ANKS6: variants seen among roughly 807,000 people sequenced by gnomAD.
The protein encoded by ANKS6 is ankyrin repeat and sterile alpha motif domain containing 6.
In ANKS6, 47 loss-of-function variants were observed where a neutral mutation model predicts 77.9. The observed-to-expected ratio is 0.60, with a 90% CI of 0.48 to 0.77. The LOEUF (loss-of-function observed/expected upper bound fraction) is 0.77, where lower values mean the gene tolerates loss of function less well. ANKS6 is among the 30% of genes least tolerant of loss of function. The pLI is 0.00. For synonymous variants in ANKS6, 488 were observed against 501.7 expected (o/e 0.97, Z 0.37); for missense variants, 1,150 against 1,159.1 (o/e 0.99, Z 0.11).
intron 14 of ANKS6, among the ~76,000 whole-genome samples, chr9:98,741,871 T>G (rs1482826859): frequency 6.6e-6 from 1 of 152,252 alleles, no homozygotes; most frequent in Non-Finnish European, 1.5e-5. Context: ...TTAAAAAATT[T>G]TAGGCCAAAA....
intron 14 of ANKS6, among the ~76,000 whole-genome samples, chr9:98,739,390 G>A (rs1308568960): frequency 6.6e-6 from 1 of 152,136 alleles, no homozygotes; most frequent in African/African-American, 2.4e-5. Flanking sequence ...AGGATCGCTT[G>A]AGCCCAGGAG....
rs544815927 is a variant in ANKS6, at chr9:98,736,543, G to A, written c.2592C>T (p.Ala864=). The A allele has an allele frequency of 6.2e-7, 1 of 1,612,786 alleles. No homozygotes were observed. The change falls in exon 15 of 15, where the codon GCC becomes GCT. Residue 864 remains alanine, a synonymous_variant. Transcript: ENST00000353234. ...SFESSASNTR[A]PGNSPCA ...ATCACGCACAGGGGCTGTTGCCAGGGGCCCTGGTGTTGCTGGCACTGCTCT... is the reference window on the plus strand; with the variant it reads ...ATCACGCACAGGGGCTGTTGCCAGGAGCCCTGGTGTTGCTGGCACTGCTCT...
intron 14 of ANKS6, among the ~76,000 whole-genome samples, chr9:98,741,716 T>C (rs1197398622): frequency 6.6e-6 from 1 of 152,208 alleles, no homozygotes; most frequent in Non-Finnish European, 1.5e-5. Flanking sequence ...CGAGCACACA[T>C]TACAATTCCA....
chr9:98,760,116 GA>G (rs1188629510), intron 11 of ANKS6, among the ~76,000 whole-genome samples: 2 of 151,648 alleles, frequency 1.3e-5, no homozygotes, highest in African/African-American at 4.8e-5. Context: ...ATGTGTCAAT[GA>G]AAAAAAATAA....
intron 8 of ANKS6, 89 bp from the exon 9 acceptor site, chr9:98,774,169 G>T: frequency 2.5e-6 from 3 of 1,205,638 alleles, no homozygotes; most frequent in Non-Finnish European, 3.2e-6. Context: ...GCTTCTTGGG[G>T]CATGGCACCA....
chr9:98,791,426 G>T lies in ANKS6; in HGVS notation c.360-820C>A, dbSNP rs567493966. On this transcript the variant is annotated intron_variant, in intron 1 of 14. Transcript: ENST00000353234. This position sits in a 1 kb window ranked among gnomAD's most constrained non-coding sequence, Gnocchi z 4.3. ...TCAATGAAGTCACTGCTGGGCCCCTGAAGAGAAAGATCTGCACCCACCAAC... is the reference window on the plus strand; with the variant it reads ...TCAATGAAGTCACTGCTGGGCCCCTTAAGAGAAAGATCTGCACCCACCAAC... 9.8e-5 allele frequency among the ~76,000 whole-genome samples: 15 copies of T among 152,328 alleles called. No homozygotes were observed. Among genetic ancestry groups the T allele is most frequent in the Middle Eastern group, 3.4e-3 (1 of 294 alleles).
chr9:98,734,739 G>A lies in ANKS6; in HGVS notation c.*1780C>T, dbSNP rs1320799329. 2 of 971,906 alleles carry A rather than the reference G, an allele frequency of 2.1e-6. No homozygotes were observed. Among genetic ancestry groups the A allele is most frequent in the African/African-American group, 3.5e-5 (2 of 56,900 alleles). The allele number at this position is 971,906 out of a possible 1,614,324, so 60.2% of individuals were successfully genotyped here. A position where few individuals can be genotyped will look rare whatever the true frequency, so the allele number is the denominator to read the frequency against. ...ACAATGCCACCTCCAGGGTGGCCAT[G>A]AGGATGAAATGACAAAGGTAAAGCT... On this transcript the variant is annotated 3_prime_UTR_variant, in exon 15 of 15. Coordinates refer to ENST00000353234, the MANE Select transcript of ANKS6 (RefSeq NM_173551.5).
intron 4 of ANKS6, 71 bp downstream of exon 4, chr9:98,783,882 A>G: frequency 7.3e-7 from 1 of 1,371,148 alleles, no homozygotes; most frequent in East Asian, 2.7e-5. Context: ...AGAAGAGCCC[A>G]TTGGGAACCT....
At chr9:98,740,998 G>T (rs1027913928) in intron 14 of ANKS6, among the ~76,000 whole-genome samples, 25 of 152,030 alleles carry the variant, frequency 1.6e-4, no homozygotes, top group African/African-American at 6.0e-4. Context: ...GGCTCTTTCC[G>T]GAAAGTTATT....
chr9:98,794,565 T>C (rs1835076382), intron 1 of ANKS6, among the ~76,000 whole-genome samples: 1 of 152,172 alleles, frequency 6.6e-6, no homozygotes, highest in African/African-American at 2.4e-5. Context: ...ATAGAGTCGG[T>C]GTCACACCAA....
intron 11 of ANKS6, among the ~76,000 whole-genome samples, chr9:98,761,881 A>G (rs1833031932): frequency 6.6e-6 from 1 of 152,172 alleles, no homozygotes; most frequent in East Asian, 1.9e-4. Context: ...TATGACTATT[A>G]TAATTTTTTG....
chr9:98,758,931 T>C (rs1359573400), intron 11 of ANKS6, among the ~76,000 whole-genome samples: 1 of 152,232 alleles, frequency 6.6e-6, no homozygotes, highest in African/African-American at 2.4e-5. Context: ...GTCTTTAGCC[T>C]AATATCCACT....
chr9:98,785,393 C>A (rs1472300426), intron 2 of ANKS6, among the ~76,000 whole-genome samples: 1 of 152,204 alleles, frequency 6.6e-6, no homozygotes, highest in Non-Finnish European at 1.5e-5. Flanking sequence ...ATGTAAGAAG[C>A]AATCAGAACA....
In ANKS6 at chr9:98,740,518, G is replaced by A. The variant is rs543448900; in HGVS notation, c.2512-3895C>T. Among the ~76,000 whole-genome samples the A allele has an allele frequency of 1.7e-3, 263 of 152,284 alleles. 3 individuals carry two copies. Among genetic ancestry groups the A allele is most frequent in the African/African-American group, 6.0e-3 (250 of 41,556 alleles). ...GAAGCTCACCCTGAGATAATGAATGGGGTGGCACTGTGCAAACTGCAGAGG... is the reference window on the plus strand; with the variant it reads ...GAAGCTCACCCTGAGATAATGAATGAGGTGGCACTGTGCAAACTGCAGAGG... On this transcript the variant is annotated intron_variant, in intron 14 of 14. Coordinates refer to ENST00000353234, the MANE Select transcript of ANKS6 (RefSeq NM_173551.5).
chr9:98,770,055 A>C, intron 10 of ANKS6, among the ~76,000 whole-genome samples: 1 of 152,142 alleles, frequency 6.6e-6, no homozygotes, highest in Non-Finnish European at 1.5e-5. Flanking sequence ...TCCCCACCCA[A>C]ATCTCATCTT....
Position 98,790,241 on chromosome 9 carries a change from T to C in ANKS6, c.725A>G (p.Gln242Arg). 1 of 1,606,456 alleles carries C rather than the reference T, an allele frequency of 6.2e-7. No individual in the cohort carries two copies. The highest frequency in any genetic ancestry group is 8.5e-7 in the Non-Finnish European group (1 of 1,174,584). ...AALTGRLGVAQQLVEKGANPD... is the reference protein window; with the variant it reads ...AALTGRLGVARQLVEKGANPD... ...GTTGGCGCCCTTCTCCACCAGCTGC[T>C]GGGCCACTCCAAGCCGCCCAGTGAG... The change falls in exon 2 of 15, where the codon CAG becomes CGG. Residue 242 changes from glutamine to arginine, a missense_variant. Transcript: ENST00000353234.
intron 1 of ANKS6, 71 bp from the exon 2 acceptor site, chr9:98,790,677 T>C (rs1564229660): frequency 2.0e-6 from 3 of 1,527,838 alleles, no homozygotes; most frequent in African/African-American, 1.4e-5. Context: ...TCATCCTTAA[T>C]TGGCATGAAT....
chr9:98,792,812 C>T (rs757347437), intron 1 of ANKS6, among the ~76,000 whole-genome samples: 4 of 152,086 alleles, frequency 2.6e-5, no homozygotes, highest in African/African-American at 7.2e-5. Flanking sequence ...GACTCAAAAT[C>T]GAAGCTCCAG....
In ANKS6 at chr9:98,778,353, G is replaced by A; in HGVS notation, c.1440C>T (p.Ser480=). ...CAGAGAAAGGCAAAGGCTGGTTGCT[G>A]GACAGCCCACGGGGCAGCGTCTGCA... ...KLMQTLPRGL[S]SNQPLPFSDE... The change falls in exon 7 of 15, where the codon TCC becomes TCT. Residue 480 remains serine (S), a synonymous_variant. Transcript: ENST00000353234. The A allele has an allele frequency of 3.1e-6, 5 of 1,614,154 alleles. No homozygotes were observed. The highest frequency in any genetic ancestry group is 4.2e-6 in the Non-Finnish European group (5 of 1,180,034).
Sources: gnomAD v4.1 joint callset for allele counts (sites outside exome capture counted in the v4.1 genomes callset) on GRCh38, gnomAD v4.1.1 for gene constraint, Gnocchi (gnomAD v3.1) non-coding constraint, MANE v1.5 for transcripts, NCBI Gene and HGNC (gene_info 2026-07-23, HGNC 2026-07-21) for gene names.